The following MAD1L1 variants were observed in gnomAD, a reference collection of about 807,000 sequenced individuals.
MAD1L1 encodes the protein mitotic spindle assembly checkpoint protein MAD1.
In MAD1L1, 95 loss-of-function variants were observed where a neutral mutation model predicts 96.9. That is an observed-to-expected ratio of 0.98 (90% CI 0.83 to 1.16). MAD1L1 has a LOEUF of 1.16. Ranked by LOEUF, MAD1L1 falls within the 50% of genes most tolerant of loss-of-function variation. The pLI is 0.00. For missense variants in MAD1L1, 1,007 were observed against 954.4 expected (o/e 1.06, Z -0.73); for synonymous variants, 473 against 396.6 (o/e 1.19, Z -2.29).
intron 17 of MAD1L1, among the ~76,000 whole-genome samples, chr7:1,931,098 G>A (rs930558262): frequency 5.7e-5 from 8 of 141,234 alleles, no homozygotes; most frequent in South Asian, 2.3e-4. Flanking sequence ...GAGCGAGGGC[G>A]CATCATGGGG....
At chr7:1,869,504 G>T (rs1784941428) in intron 18 of MAD1L1, among the ~76,000 whole-genome samples, 1 of 151,622 alleles carries the variant, frequency 6.6e-6, no homozygotes, top group Admixed American at 6.6e-5. Context: ...GACCTCCCCA[G>T]GGCCCTCTTC....
intron 11 of MAD1L1, among the ~76,000 whole-genome samples, chr7:2,092,125 G>A (rs934186168): frequency 2.0e-5 from 3 of 152,154 alleles, no homozygotes; most frequent in African/African-American, 7.2e-5. Context: ...GAGTTCCTGT[G>A]GCTCCACGTC....
chr7:2,222,023 C>T (rs1287427348), intron 5 of MAD1L1, among the ~76,000 whole-genome samples: 1 of 151,912 alleles, frequency 6.6e-6, no homozygotes, highest in Non-Finnish European at 1.5e-5. Context: ...CAACAAAAAA[C>T]AGATTCATCA....
chr7:2,177,021 G>A (rs1395197850), intron 10 of MAD1L1, among the ~76,000 whole-genome samples: 3 of 152,168 alleles, frequency 2.0e-5, no homozygotes, highest in Admixed American at 6.5e-5. Context: ...ATTAAAAGAC[G>A]TATTTCAGAA....
At chr7:1,855,138 G>T (rs562329034) in intron 18 of MAD1L1, among the ~76,000 whole-genome samples, 4 of 152,292 alleles carry the variant, frequency 2.6e-5, no homozygotes, top group Non-Finnish European at 5.9e-5. Flanking sequence ...CGACAGCTCT[G>T]TGGTCCTGTC....
At chr7:2,199,538 T>C (rs1792170812) in intron 10 of MAD1L1, among the ~76,000 whole-genome samples, 1 of 152,264 alleles carries the variant, frequency 6.6e-6, no homozygotes, top group South Asian at 2.1e-4. Flanking sequence ...TTAATCATCT[T>C]AGAATCACTC....
At chr7:2,052,771 G>A (rs1165195948) in intron 12 of MAD1L1, among the ~76,000 whole-genome samples, 1 of 152,212 alleles carries the variant, frequency 6.6e-6, no homozygotes, top group Admixed American at 6.5e-5. Context: ...CAGCTGGCAT[G>A]GGCATGGCCC....
At chr7:1,995,587 A>G (rs1412898385) in intron 14 of MAD1L1, among the ~76,000 whole-genome samples, 1 of 152,164 alleles carries the variant, frequency 6.6e-6, no homozygotes, top group Admixed American at 6.5e-5. Context: ...CCAGGGCTGG[A>G]GAGGAGGAGA....
intron 12 of MAD1L1, among the ~76,000 whole-genome samples, chr7:2,057,565 G>A (rs74726782): frequency 0.011 from 1,628 of 146,762 alleles, 20 homozygotes; most frequent in Non-Finnish European, 0.019. Context: ...ATTAATGATC[G>A]AGTGAGTGAA....
intron 12 of MAD1L1, among the ~76,000 whole-genome samples, chr7:2,047,572 C>T (rs561361910): frequency 4.0e-4 from 61 of 152,334 alleles, no homozygotes; most frequent in African/African-American, 1.4e-3. Flanking sequence ...TGGGGCTGGC[C>T]TTGTCTGCTG....
intron 11 of MAD1L1, among the ~76,000 whole-genome samples, chr7:2,107,143 G>A (rs537637278): frequency 1.4e-4 from 22 of 152,336 alleles, no homozygotes; most frequent in African/African-American, 5.3e-4. Context: ...AGGAGGCAGG[G>A]CCAACATCCC....
intron 13 of MAD1L1, among the ~76,000 whole-genome samples, chr7:2,013,422 C>T (rs567751699): frequency 6.6e-6 from 1 of 152,386 alleles, no homozygotes; most frequent in East Asian, 1.9e-4. Flanking sequence ...GCAGACACCA[C>T]AGGCCCAGGC....
In MAD1L1 at chr7:1,855,540, C is replaced by T. The variant is rs185479693; in HGVS notation, c.1999-39312G>A. ...CACTCACTTTCCAGAAAACACGGCCCGGGCCCAGCCCAGCCCAGCCCAGCT... is the reference window on the plus strand; with the variant it reads ...CACTCACTTTCCAGAAAACACGGCCTGGGCCCAGCCCAGCCCAGCCCAGCT... On this transcript the variant is annotated intron_variant, in intron 18 of 18. Transcript: ENST00000265854. Among the ~76,000 whole-genome samples the T allele has an allele frequency of 4.8e-4, 73 of 152,066 alleles. 1 individual carries two copies. Among genetic ancestry groups the T allele is most frequent in the African/African-American group, 1.6e-3 (68 of 41,446 alleles).
At chr7:2,205,080 T>C (rs1408067852) in intron 10 of MAD1L1, among the ~76,000 whole-genome samples, 2 of 114,978 alleles carry the variant, frequency 1.7e-5, no homozygotes, top group East Asian at 2.5e-4. Context: ...TCACAGGATC[T>C]TTTCTTTTTT....
intron 10 of MAD1L1, among the ~76,000 whole-genome samples, chr7:2,182,936 C>G (rs997792364): frequency 6.6e-6 from 1 of 152,134 alleles, no homozygotes; most frequent in African/African-American, 2.4e-5. Flanking sequence ...TTAAAACAGA[C>G]AAGCGGCAGG....
chr7:2,069,998 A>T (rs933688286), intron 11 of MAD1L1, among the ~76,000 whole-genome samples: 1 of 148,996 alleles, frequency 6.7e-6, no homozygotes. Flanking sequence ...TAGCCTCCCA[A>T]CGGCTCTCAC....
chr7:2,210,425 ACCG>A (rs1562375065), intron 10 of MAD1L1, among the ~76,000 whole-genome samples: 3 of 140,912 alleles, frequency 2.1e-5, no homozygotes, highest in Admixed American at 7.3e-5. Context: ...CGTATTCGGG[ACCG>A]CCAGCCCGCA....
chr7:2,194,034 C>CA (rs1791863973), intron 10 of MAD1L1, among the ~76,000 whole-genome samples: 3 of 149,902 alleles, frequency 2.0e-5, no homozygotes, highest in South Asian at 2.1e-4. Context: ...GCCTCGGCCT[C>CA]CTGGGCTCAG....
chr7:2,078,962 G>A (rs1412863980), intron 11 of MAD1L1, among the ~76,000 whole-genome samples: 3 of 152,230 alleles, frequency 2.0e-5, no homozygotes, highest in African/African-American at 4.8e-5. Flanking sequence ...GGGGGGAGAT[G>A]CCCCAGTCGG....
Sources: gnomAD v4.1 joint callset for allele counts (sites outside exome capture counted in the v4.1 genomes callset) on GRCh38, gnomAD v4.1.1 for gene constraint, MANE v1.5 for transcripts, NCBI Gene and HGNC (gene_info 2026-07-23, HGNC 2026-07-21) for gene names.